Variants in PRKACA observed in about 807,000 individuals in gnomAD.
PRKACA encodes the protein cAMP-dependent protein kinase catalytic subunit alpha.
PRKACA carries 9 observed loss-of-function variants against 45.8 expected under a neutral mutation model. The ratio of observed to expected loss-of-function variants is 0.20; its 90% CI spans 0.12 to 0.34. The LOEUF is 0.34. PRKACA is among the 10% of genes least tolerant of loss of function. The pLI is 1.00. For missense variants in PRKACA, 238 were observed against 458.6 expected, an observed-to-expected ratio of 0.52 and a Z score of 4.39; for synonymous variants, 160 against 178.6, an observed-to-expected ratio of 0.90 and a Z score of 0.83.
chr19:14,113,143 T>C (rs1165481015), intron 1 of PRKACA, among the ~76,000 whole-genome samples: 1 of 151,738 alleles, frequency 6.6e-6, no homozygotes, highest in Non-Finnish European at 1.5e-5. Context: ...TCTCAAACCT[T>C]GCCCTGTGCT....
chr19:14,094,711 G>A (rs1977193414), intron 8 of PRKACA, among the ~76,000 whole-genome samples: 1 of 152,188 alleles, frequency 6.6e-6, no homozygotes, highest in Non-Finnish European at 1.5e-5. Flanking sequence ...CTCAGCTGCT[G>A]CTGCTGCTGC....
chr19:14,104,475 T>C (rs1977544385), intron 3 of PRKACA, among the ~76,000 whole-genome samples: 3 of 151,034 alleles, frequency 2.0e-5, no homozygotes, highest in Admixed American at 1.3e-4. Flanking sequence ...GGCCGGTGGA[T>C]TACAAGGTCA....
intron 3 of PRKACA, among the ~76,000 whole-genome samples, chr19:14,104,369 G>A (rs905822518): frequency 1.4e-5 from 2 of 145,392 alleles, no homozygotes; most frequent in Non-Finnish European, 3.0e-5. Flanking sequence ...CAACCAGCCA[G>A]GCCAAAATGG....
At chr19:14,099,518 C>A (rs1176188598) in intron 5 of PRKACA, among the ~76,000 whole-genome samples, 5 of 151,432 alleles carry the variant, frequency 3.3e-5, no homozygotes, top group Admixed American at 6.6e-5. Context: ...CTTGACCTCC[C>A]AGACTCAGGT....
intron 4 of PRKACA, among the ~76,000 whole-genome samples, chr19:14,102,406 T>A (rs1423307674): frequency 2.0e-5 from 3 of 152,116 alleles, no homozygotes; most frequent in Non-Finnish European, 4.4e-5. Context: ...GGAACTGGTA[T>A]GATCCCCATT....
chr19:14,113,173 G>T (rs1244431241), intron 1 of PRKACA, among the ~76,000 whole-genome samples: 2 of 151,962 alleles, frequency 1.3e-5, no homozygotes, highest in Admixed American at 1.3e-4. Context: ...TCTCGGCCAT[G>T]AAAGTCCAAA....
Position 14,107,636 on chromosome 19 carries a change from T to G in PRKACA, c.47-227A>C, listed in dbSNP as rs941568002. 5.2e-6 allele frequency: 7 copies of G among 1,343,392 alleles called. No homozygotes were observed. The African/African-American group carries it at 1.0e-4, about 20-fold the overall frequency. The allele number at this position is 1,343,392 out of a possible 1,614,324, so 83.2% of individuals were successfully genotyped here. On this transcript the variant is annotated intron_variant, in intron 1 of 9. Transcript: ENST00000308677. ...CATCCAAAGTGGGGTACAGAGAGTC[T>G]CAGGGGTCACTCGCAGGGGAACGGA...
intron 5 of PRKACA, among the ~76,000 whole-genome samples, chr19:14,099,913 G>A (rs1182456190): frequency 2.6e-5 from 4 of 151,956 alleles, no homozygotes; most frequent in Admixed American, 2.0e-4. Flanking sequence ...GCGCGATCTC[G>A]GCTCACTGCA....
intron 1 of PRKACA, among the ~76,000 whole-genome samples, chr19:14,110,212 G>A (rs2144488294): frequency 6.6e-6 from 1 of 151,756 alleles, no homozygotes; most frequent in East Asian, 1.9e-4. Context: ...CAGCTAAGCA[G>A]GAGGCTGAGG....
At chr19:14,096,470 C>T (rs1977263265) in intron 8 of PRKACA, 1 of 152,204 alleles carries the variant, frequency 6.6e-6, no homozygotes, top group Admixed American at 6.6e-5. Flanking sequence ...AGCCATTGTA[C>T]CCAGCCCCAA....
intron 8 of PRKACA, among the ~76,000 whole-genome samples, chr19:14,094,155 C>T (rs1183319615): frequency 7.1e-6 from 1 of 140,330 alleles, no homozygotes; most frequent in Non-Finnish European, 1.5e-5. Context: ...TGAGCCACCA[C>T]ACCCAGCAAG....
At chr19:14,110,664 G>C (rs1020367009) in intron 1 of PRKACA, among the ~76,000 whole-genome samples, 1 of 152,196 alleles carries the variant, frequency 6.6e-6, no homozygotes. Flanking sequence ...ACAGATTCTT[G>C]CATTATGGAC....
At chr19:14,116,970 G>A (rs1465657188) in intron 1 of PRKACA, among the ~76,000 whole-genome samples, 1 of 149,476 alleles carries the variant, frequency 6.7e-6, no homozygotes, top group Non-Finnish European at 1.5e-5. Flanking sequence ...GGAAGGGGGG[G>A]CTGTGCTAAG....
intron 1 of PRKACA, among the ~76,000 whole-genome samples, chr19:14,109,018 G>A (rs1189968379): frequency 2.7e-5 from 4 of 149,462 alleles, no homozygotes; most frequent in East Asian, 2.1e-4. Flanking sequence ...ATGAGCCACC[G>A]TGCCCAGCCT....
At chr19:14,108,021 C>A in intron 1 of PRKACA, 5 of 986,004 alleles carry the variant, frequency 5.1e-6, no homozygotes, top group Non-Finnish European at 6.0e-6. Flanking sequence ...CCCGGCAGAC[C>A]CTGTGCCGGC....
intron 1 of PRKACA, chr19:14,115,235 A>G (rs1201634878): frequency 2.2e-6 from 1 of 454,462 alleles, no homozygotes; most frequent in African/African-American, 2.1e-5. Flanking sequence ...CGTATCAGAG[A>G]AAATATAACT....
At chr19:14,114,286 C>A (rs1459979033) in intron 1 of PRKACA, 3 of 1,333,160 alleles carry the variant, frequency 2.3e-6, no homozygotes, top group Non-Finnish European at 2.1e-6. Flanking sequence ...GGGGTGGGAG[C>A]AGGAAGAGAA....
chr19:14,116,109 C>G (rs192580565), intron 1 of PRKACA, among the ~76,000 whole-genome samples: 14 of 152,314 alleles, frequency 9.2e-5, no homozygotes, highest in Admixed American at 2.0e-4. Flanking sequence ...ATTCAGGAAA[C>G]TCAGATGCTG....
intron 8 of PRKACA, 56 bp from the exon 9 acceptor site, chr19:14,093,848 C>A: frequency 1.3e-6 from 2 of 1,522,182 alleles, no homozygotes; most frequent in South Asian, 2.5e-5. Flanking sequence ...TTGGGAAGCC[C>A]ATGATGCTTC....
Sources: allele counts gnomAD v4.1 joint callset (sites outside exome capture counted in the v4.1 genomes callset), GRCh38; gene constraint gnomAD v4.1.1; transcripts MANE v1.5; gene names NCBI Gene and HGNC (gene_info 2026-07-23, HGNC 2026-07-21).